ZNF679: variants seen among roughly 807,000 people sequenced by gnomAD.
The protein encoded by ZNF679 is hypothetical protein MGC42415.
ZNF679 carries 10 observed loss-of-function variants against 13.4 expected under a neutral mutation model. The observed-to-expected ratio is 0.75, with a 90% CI of 0.46 to 1.27. The LOEUF (loss-of-function observed/expected upper bound fraction) is 1.27. Among genes scored for constraint, ZNF679 ranks in the 50% most tolerant of loss-of-function variants. ZNF679 has a pLI of 0.00. For synonymous variants in ZNF679, 179 were observed against 162.5 expected, an observed-to-expected ratio of 1.10 and a Z score of -0.77; for missense variants, 525 against 477.8, an observed-to-expected ratio of 1.10 and a Z score of -0.92.
In ZNF679 at chr7:64,250,808, C is replaced by T. The variant is rs553368132; in HGVS notation, c.39+1652C>T. ...TTCGCCATGTTGGCCAGGCTGGTCT[C>T]GAATGCCTGACCTCAGATGATCCGC... On this transcript the variant is annotated intron_variant, in intron 2 of 4. Coordinates refer to ENST00000421025, the MANE Select transcript of ZNF679 (RefSeq NM_153363.3). Among the ~76,000 whole-genome samples, 4 of 152,124 alleles carry T rather than the reference C, an allele frequency of 2.6e-5. No individual in the cohort carries two copies. In the South Asian group the frequency reaches 6.2e-4, roughly 24 times the overall value.
chr7:64,252,867 G>A (rs1787960171), intron 2 of ZNF679, among the ~76,000 whole-genome samples: 1 of 152,144 alleles, frequency 6.6e-6, no homozygotes, highest in Non-Finnish European at 1.5e-5. Flanking sequence ...ACAGGCACCT[G>A]CCGCCATGCC....
intron 4 of ZNF679, among the ~76,000 whole-genome samples, chr7:64,263,002 T>C (rs1379988670): frequency 6.6e-6 from 1 of 152,080 alleles, no homozygotes; most frequent in Non-Finnish European, 1.5e-5. Context: ...TGTGTTTATT[T>C]CCATGTATTT....
At chr7:64,248,127 T>A (rs968768005) in intron 1 of ZNF679, among the ~76,000 whole-genome samples, 1 of 151,802 alleles carries the variant, frequency 6.6e-6, no homozygotes. Context: ...CAAGGCAATA[T>A]CTTACTTGGT....
At chr7:64,251,833 G>A (rs768388998) in intron 2 of ZNF679, among the ~76,000 whole-genome samples, 38 of 152,196 alleles carry the variant, frequency 2.5e-4, no homozygotes, top group Non-Finnish European at 5.6e-4. Flanking sequence ...GAGAGCAAAC[G>A]AATGCCTTGG....
At chr7:64,236,028 A>G (rs1787706200) in intron 1 of ZNF679, among the ~76,000 whole-genome samples, 1 of 152,060 alleles carries the variant, frequency 6.6e-6, no homozygotes, top group Non-Finnish European at 1.5e-5. Flanking sequence ...ACACTGTGGG[A>G]GGCCAAGGTG....
At chr7:64,247,018 C>T (rs1274009115) in intron 1 of ZNF679, among the ~76,000 whole-genome samples, 3 of 152,120 alleles carry the variant, frequency 2.0e-5, no homozygotes, top group Non-Finnish European at 2.9e-5. Flanking sequence ...CTTTTTAGAC[C>T]ATGTAAGGTC....
chr7:64,230,255 C>T (rs977966990), intron 1 of ZNF679, among the ~76,000 whole-genome samples: 28 of 152,226 alleles, frequency 1.8e-4, no homozygotes, highest in East Asian at 1.5e-3. Flanking sequence ...GCCAAGAGGC[C>T]GGGCGCGGTG....
intron 2 of ZNF679, among the ~76,000 whole-genome samples, chr7:64,253,141 A>G (rs1026099968): frequency 2.1e-4 from 32 of 152,202 alleles, no homozygotes; most frequent in African/African-American, 6.8e-4. Context: ...TGATATGTGT[A>G]TTGTCTGAAA....
chr7:64,234,477 GA>G lies in ZNF679; in HGVS notation c.-91+5826del, dbSNP rs1323294142. Among the ~76,000 whole-genome samples the G allele has an allele frequency of 1.5e-4, 23 of 152,284 alleles. 1 individual carries two copies. The highest frequency in any genetic ancestry group is 5.5e-4 in the African/African-American group (23 of 41,560). On this transcript the variant is annotated intron_variant, in intron 1 of 4. Transcript: ENST00000421025. ...AAATGTGGGGGGACATCTACTTACAGAGAGCGGGTCCTAGCTAGCAGCGAGC... is the reference window on the plus strand; with the variant it reads ...AAATGTGGGGGGACATCTACTTACAGGAGCGGGTCCTAGCTAGCAGCGAGC...
At chr7:64,258,698 C>CAA (rs548892451) in intron 2 of ZNF679, among the ~76,000 whole-genome samples, 4,194 of 98,780 alleles carry the variant, frequency 0.042, 139 homozygotes, top group East Asian at 0.18. Flanking sequence ...AAGATGGTCT[C>CAA]AAAAAAAAAA....
intron 3 of ZNF679, 26 bp from the exon 4 acceptor site, chr7:64,260,808 G>C: frequency 6.3e-7 from 1 of 1,583,896 alleles, no homozygotes; most frequent in Non-Finnish European, 8.6e-7. Context: ...CAAGATTTAT[G>C]TTACTTTTTT....
At position 64,259,311 on chromosome 7, in the gene ZNF679, A is replaced by G. The variant is rs1478544736; in HGVS notation, c.40-910A>G. ...GACCTGCGGTATTTAAAATGTTCCCATTGTAGCTGTTGAACATGAGAAGGT... is the reference window on the plus strand; with the variant it reads ...GACCTGCGGTATTTAAAATGTTCCCGTTGTAGCTGTTGAACATGAGAAGGT... On this transcript the variant is annotated intron_variant, in intron 2 of 4. Coordinates refer to ENST00000421025, the MANE Select transcript of ZNF679 (RefSeq NM_153363.3). Among the ~76,000 whole-genome samples, 9 of 152,280 alleles carry G rather than the reference A, an allele frequency of 5.9e-5. No individual in the cohort carries two copies. The East Asian group carries it at 1.7e-3, about 29-fold the overall frequency.
At chr7:64,257,007 T>G (rs1036641183) in intron 2 of ZNF679, among the ~76,000 whole-genome samples, 43 of 152,278 alleles carry the variant, frequency 2.8e-4, no homozygotes, top group African/African-American at 1.0e-3. Flanking sequence ...GTTAAACTTT[T>G]TATGGTTATT....
chr7:64,264,253 T>C, intron 4 of ZNF679, among the ~76,000 whole-genome samples: 1 of 150,974 alleles, frequency 6.6e-6, no homozygotes, highest in African/African-American at 2.4e-5. Flanking sequence ...TTTAAACTGG[T>C]AAAAAAAAAT....
chr7:64,235,122 G>A (rs1787691101), intron 1 of ZNF679, among the ~76,000 whole-genome samples: 1 of 152,150 alleles, frequency 6.6e-6, no homozygotes, highest in African/African-American at 2.4e-5. Flanking sequence ...ACAGGTGTAA[G>A]CCACTGAGCC....
intron 4 of ZNF679, among the ~76,000 whole-genome samples, chr7:64,264,998 T>TG (rs1188363900): frequency 6.6e-6 from 1 of 152,066 alleles, no homozygotes; most frequent in East Asian, 1.9e-4. Context: ...TTTATTTAGG[T>TG]GTCTGGTTTT....
chr7:64,257,088 GTTTGAAGTTA>G lies in ZNF679; in HGVS notation c.40-3115_40-3106del, dbSNP rs759996898. The stretch of plus-strand genomic sequence containing the variant: ...GTTAGTTTGAAGTTATTTGAAGTTA[GTTTGAAGTTA>G]TTTGAAGTTATTTGAAGAAGTTGGT... On this transcript the variant is annotated intron_variant, in intron 2 of 4. Coordinates refer to ENST00000421025, the MANE Select transcript of ZNF679 (RefSeq NM_153363.3). Among the ~76,000 whole-genome samples the G allele has an allele frequency of 8.1e-4, 123 of 151,396 alleles. 1 individual carries two copies. Among genetic ancestry groups the G allele is most frequent in the East Asian group, 6.5e-3 (34 of 5,192 alleles).
chr7:64,240,937 A>C (rs1275556767), intron 1 of ZNF679, among the ~76,000 whole-genome samples: 1 of 152,176 alleles, frequency 6.6e-6, no homozygotes, highest in Non-Finnish European at 1.5e-5. Context: ...AGGTGTTCTA[A>C]ATCCAGGACT....
At chr7:64,261,723 ATTTTG>A (rs765545316) in intron 4 of ZNF679, among the ~76,000 whole-genome samples, 3 of 152,004 alleles carry the variant, frequency 2.0e-5, no homozygotes, top group Non-Finnish European at 2.9e-5. Context: ...ATGTAAAGTA[ATTTTG>A]TTTTGTATTG....
Sources: allele counts gnomAD v4.1 joint callset (sites outside exome capture counted in the v4.1 genomes callset), GRCh38; gene constraint gnomAD v4.1.1; transcripts MANE v1.5; gene names NCBI Gene and HGNC (gene_info 2026-07-23, HGNC 2026-07-21).